The following SFRP5 variants were observed in gnomAD, a reference collection of about 807,000 sequenced individuals.
SFRP5 encodes secreted frizzled related protein 5.
SFRP5 carries 22 observed loss-of-function variants against 27.0 expected under a neutral mutation model. That is an observed-to-expected ratio of 0.82 (90% confidence interval 0.58 to 1.17). SFRP5 has a LOEUF of 1.17. Among genes scored for constraint, SFRP5 ranks in the 50% most tolerant of loss-of-function variants. The pLI is 0.00. For missense variants in SFRP5, 406 were observed against 436.6 expected (o/e 0.93, Z 0.63); for synonymous variants, 171 against 195.0 (o/e 0.88, Z 1.03).
intron 1 of SFRP5, 107 bp from the exon 2 acceptor site, chr10:97,769,852 G>T: frequency 1.4e-6 from 1 of 724,172 alleles, no homozygotes; most frequent in Non-Finnish European, 2.5e-6. Flanking sequence ...ACTTCCCCTT[G>T]CCAAGCCTCT....
rs2049513598 is a variant in SFRP5, at chr10:97,771,231, G to T, written c.529+74C>A. On this transcript the variant is annotated intron_variant, in intron 1 of 2. Transcript: ENST00000266066. The surrounding 1 kb of genome is among the most constrained non-coding windows in gnomAD (Gnocchi z 5.2). Reference sequence around the variant, plus strand: ...GCGGAGGGGGGGAGCTGCACCTCTTGGGGGGTTCGCAGAGCTGTGCTAGGG... The same window carrying T: ...GCGGAGGGGGGGAGCTGCACCTCTTTGGGGGTTCGCAGAGCTGTGCTAGGG... The T allele has an allele frequency of 1.1e-6, 1 of 921,644 alleles. No homozygotes were observed. Among genetic ancestry groups the T allele is most frequent in the South Asian group, 1.7e-5 (1 of 57,376 alleles). 57.1% of individuals were successfully genotyped at this position (921,644 alleles called of 1,614,324 possible).
At chr10:97,768,999 G>T (rs1481907318) in intron 2 of SFRP5, among the ~76,000 whole-genome samples, 1 of 152,058 alleles carries the variant, frequency 6.6e-6, no homozygotes, top group Non-Finnish European at 1.5e-5. Flanking sequence ...TTCCAAACAG[G>T]CTACCAACAT....
intron 2 of SFRP5, among the ~76,000 whole-genome samples, chr10:97,768,786 G>T (rs1490840463): frequency 6.6e-6 from 1 of 152,080 alleles, no homozygotes; most frequent in African/African-American, 2.4e-5. Flanking sequence ...CTCAGGGTGG[G>T]GTGGGGAGTC....
In SFRP5 at chr10:97,771,554, GCAGC is replaced by G. The variant is rs760866731; in HGVS notation, c.276_279del (p.Trp92CysfsTer85). On this transcript the variant is annotated frameshift_variant, in exon 1 of 3. Coordinates refer to ENST00000266066, the MANE Select transcript of SFRP5 (RefSeq NM_003015.3). LOFTEE classifies it high-confidence loss of function. The surrounding 1 kb of genome is among the most constrained non-coding windows in gnomAD (Gnocchi z 5.2). The stretch of plus-strand genomic sequence containing the variant: ...GAGTGGCAGCGCTTGGCCAGCAGCG[GCAGC>G]CAGCTGCTCGCCTGCTGCTTCACTT... The G allele has an allele frequency of 1.2e-6, 2 of 1,611,098 alleles. No homozygotes were observed. The highest frequency in any genetic ancestry group is 2.7e-5 in the African/African-American group (2 of 74,880).
intron 2 of SFRP5, among the ~76,000 whole-genome samples, chr10:97,769,309 C>T (rs531722862): frequency 5.3e-5 from 8 of 152,338 alleles, no homozygotes; most frequent in African/African-American, 1.7e-4. Flanking sequence ...GCCATCACTC[C>T]CCACCTGGCT....
intron 2 of SFRP5, among the ~76,000 whole-genome samples, chr10:97,768,752 T>C (rs2049499381): frequency 6.6e-6 from 1 of 152,012 alleles, no homozygotes; most frequent in Non-Finnish European, 1.5e-5. Flanking sequence ...ACAGTGGACG[T>C]AGAGAGCCTA....
At position 97,767,547 on chromosome 10, in the gene SFRP5, G is replaced by T. The variant is rs1404127473; in HGVS notation, c.921C>A (p.Tyr307Ter). 1.9e-6 allele frequency: 3 copies of T among 1,612,802 alleles called. No individual in the cohort carries two copies. The highest frequency in any genetic ancestry group is 2.7e-5 in the African/African-American group (2 of 74,938). The change falls in exon 3 of 3, where the codon TAC (tyrosine) becomes TAA (stop). Residue 307 changes from tyrosine to a stop codon, truncating the protein, a stop_gained. Transcript: ENST00000266066. LOFTEE classifies it high-confidence loss of function. ...FMFSYPCSLY[Y>*]PFFYGAAEPH The stretch of plus-strand genomic sequence containing the variant: ...GCTCTGCCGCCCCGTAGAAGAAAGG[G>T]TAGTAGAGGGAGCAGGGGTAGGAGA...
chr10:97,769,192 C>T (rs2049502139), intron 2 of SFRP5, among the ~76,000 whole-genome samples: 1 of 152,198 alleles, frequency 6.6e-6, no homozygotes, highest in South Asian at 2.1e-4. Flanking sequence ...TGGGAAGGCT[C>T]TGGGATGAAG....
At position 97,771,932 on chromosome 10, in the gene SFRP5, A is replaced by AGCCGCC. The variant is rs372535710; in HGVS notation, c.-105_-100dup. ...TGCGCCCCCGGCCCTGACTCTACCC[A>AGCCGCC]GCCGCCGCCGCCGCCGCCGCGGAGG... On this transcript the variant is annotated 5_prime_UTR_variant, in exon 1 of 3. Coordinates refer to ENST00000266066, the MANE Select transcript of SFRP5 (RefSeq NM_003015.3). The surrounding 1 kb of genome is among the most constrained non-coding windows in gnomAD (Gnocchi z 5.2). 255 of 822,252 alleles carry AGCCGCC rather than the reference A, an allele frequency of 3.1e-4. 1 individual carries two copies. In the African/African-American group the frequency reaches 3.9e-3, roughly 12 times the overall value. 50.9% of individuals were successfully genotyped at this position (822,252 alleles called of 1,614,324 possible).
At position 97,767,687 on chromosome 10, in the gene SFRP5, GGCTGT is replaced by G; in HGVS notation, c.776_780del (p.Asp259AlafsTer29). 1 of 1,614,096 alleles carries G rather than the reference GGCTGT, an allele frequency of 6.2e-7. No individual in the cohort carries two copies. The highest frequency in any genetic ancestry group is 1.1e-5 in the South Asian group (1 of 91,076). ...CCCATGACCAGGAAGCTGCCCGCCA[GGCTGT>G]CCAGCTGTGGGCAGGGGCAGCCCGC... On this transcript the variant is annotated frameshift_variant, in exon 3 of 3. Coordinates refer to ENST00000266066, the MANE Select transcript of SFRP5 (RefSeq NM_003015.3). LOFTEE classifies it high-confidence loss of function.
At position 97,771,048 on chromosome 10, in the gene SFRP5, C is replaced by G. The variant is rs1199896017; in HGVS notation, c.529+257G>C. On this transcript the variant is annotated intron_variant, in intron 1 of 2. Transcript: ENST00000266066. The surrounding 1 kb of genome is among the most constrained non-coding windows in gnomAD (Gnocchi z 5.2). ...GGTTGGATGGGTACTGAGAGGGGTG[C>G]CAGGGGTTTCCAGGGAACGAGAGCC... Among the ~76,000 whole-genome samples, 1 of 152,034 alleles carries G rather than the reference C, an allele frequency of 6.6e-6. No individual in the cohort carries two copies. Among genetic ancestry groups the G allele is most frequent in the Non-Finnish European group, 1.5e-5 (1 of 68,002 alleles).
At chr10:97,770,449 A>C (rs1343394816) in intron 1 of SFRP5, among the ~76,000 whole-genome samples, 1 of 150,718 alleles carries the variant, frequency 6.6e-6, no homozygotes, top group Non-Finnish European at 1.5e-5. Flanking sequence ...AGGAAGGGGG[A>C]GAGGGCATGG....
rs1316731792 is a variant in SFRP5, at chr10:97,771,292, GC to G, written c.529+12del. 6.6e-7 allele frequency: 1 copy of G among 1,523,976 alleles called. No individual in the cohort carries two copies. 94.4% of individuals were successfully genotyped at this position (1,523,976 alleles called of 1,614,324 possible). A position where few individuals can be genotyped will look rare whatever the true frequency, so the allele number is the denominator to read the frequency against. On this transcript the variant is annotated intron_variant, in intron 1 of 2. Coordinates refer to ENST00000266066, the MANE Select transcript of SFRP5 (RefSeq NM_003015.3). The surrounding 1 kb of genome is among the most constrained non-coding windows in gnomAD (Gnocchi z 5.2). ...GCCGTCGGAGCGCGCGGGGACGGCG[GC>G]GGCGGCGCTACCTGGAGGCGCGGTG...
chr10:97,770,058 A>G (rs1174146773), intron 1 of SFRP5, among the ~76,000 whole-genome samples: 1 of 152,168 alleles, frequency 6.6e-6, no homozygotes, highest in East Asian at 1.9e-4. Flanking sequence ...CCTATGAAAT[A>G]GGGATTCTTA....
Position 97,769,666 on chromosome 10 carries a change from A to G in SFRP5, c.607+2T>C. 2 of 1,608,820 alleles carry G rather than the reference A, an allele frequency of 1.2e-6. No individual in the cohort carries two copies. Among genetic ancestry groups the G allele is most frequent in the Non-Finnish European group, 1.7e-6 (2 of 1,176,484 alleles). ...CAGTGGCAGCGTGGGCCCCACACTC[A>G]CCAAAGTCACTGGAGCACATCTGCT... is the stretch of plus-strand genomic sequence containing the variant. On this transcript the variant is annotated splice_donor_variant, in intron 2 of 2. Coordinates refer to ENST00000266066, the MANE Select transcript of SFRP5 (RefSeq NM_003015.3). LOFTEE classifies it high-confidence loss of function.
At chr10:97,769,334 GC>G (rs1042415617) in intron 2 of SFRP5, among the ~76,000 whole-genome samples, 6 of 152,194 alleles carry the variant, frequency 3.9e-5, no homozygotes, top group Admixed American at 2.0e-4. Flanking sequence ...CCATCTCTGG[GC>G]TAAGCCTGCA....
Position 97,771,708 on chromosome 10 carries a change from C to T in SFRP5, c.126G>A (p.Leu42=), listed in dbSNP as rs759575005. Residue 42 remains leucine, a synonymous_variant, in exon 1 of 3, where the codon CTG becomes CTA. Transcript: ENST00000266066. The surrounding 1 kb of genome is among the most constrained non-coding windows in gnomAD (Gnocchi z 5.2). The stretch of plus-strand genomic sequence containing the variant: ...GCGGCTTGGAGTAGGAGCGGCCGTG[C>T]AGCGGCTCGGCCTGCCAGCCATAGT... ...YDYYGWQAEP[L]HGRSYSKPPQ... The T allele has an allele frequency of 2.5e-6, 4 of 1,597,214 alleles. No individual in the cohort carries two copies. The highest frequency in any genetic ancestry group is 1.7e-5 in the Admixed American group (1 of 59,946).
In SFRP5 at chr10:97,771,834, G is replaced by A. The variant is rs1218637004; in HGVS notation, c.-1C>T. The A allele has an allele frequency of 1.7e-6, 2 of 1,149,598 alleles. No individual in the cohort carries two copies. The highest frequency in any genetic ancestry group is 1.7e-5 in the African/African-American group (1 of 60,536). The allele number at this position is 1,149,598 out of a possible 1,614,324, so 71.2% of individuals were successfully genotyped here. A position where few individuals can be genotyped will look rare whatever the true frequency, so the allele number is the denominator to read the frequency against. On this transcript the variant is annotated 5_prime_UTR_variant, in exon 1 of 3. Transcript: ENST00000266066. The surrounding 1 kb of genome is among the most constrained non-coding windows in gnomAD (Gnocchi z 5.2). ...CCCCCCCCGCCGCCGCCGCCCGCAT[G>A]GCTGCGCCCTCTCCAGGTGCGCGCC... is the stretch of plus-strand genomic sequence containing the variant.
At chr10:97,769,044 TCTC>T in intron 2 of SFRP5, among the ~76,000 whole-genome samples, 1 of 152,264 alleles carries the variant, frequency 6.6e-6, no homozygotes, top group South Asian at 2.1e-4. Context: ...TTCATTATCA[TCTC>T]CTTTTTTCTT....
Sources: allele counts gnomAD v4.1 joint callset (sites outside exome capture counted in the v4.1 genomes callset), GRCh38; gene constraint gnomAD v4.1.1; non-coding constraint Gnocchi (gnomAD v3.1); transcripts MANE v1.5; gene names NCBI Gene and HGNC (gene_info 2026-07-23, HGNC 2026-07-21).